Variants in C11orf58 observed in about 807,000 individuals in gnomAD.
The protein encoded by C11orf58 is small acidic protein.
Under a neutral mutation model 22.7 loss-of-function variants are expected in C11orf58, and 5 were observed. That is an observed-to-expected ratio of 0.22 (90% CI 0.12 to 0.46). C11orf58 has a LOEUF of 0.46. C11orf58 is among the 20% of genes least tolerant of loss of function. The probability of loss-of-function intolerance (pLI) is 0.99; values close to 1 mark genes in which losing one functional copy is unlikely to be tolerated. For missense variants in C11orf58, 151 were observed against 223.3 expected, an observed-to-expected ratio of 0.68 and a Z score of 2.06; for synonymous variants, 71 against 70.7, an observed-to-expected ratio of 1.00 and a Z score of -0.02.
In C11orf58 at chr11:16,756,263, A is replaced by ATTTTTT. The variant is rs779195786; in HGVS notation, c.*1178_*1183dup. 9 of 95,662 alleles carry ATTTTTT rather than the reference A, an allele frequency of 9.4e-5. No individual in the cohort carries two copies. The highest frequency in any genetic ancestry group is 1.2e-4 in the Non-Finnish European group (6 of 49,080). The allele number at this position is 95,662 out of a possible 1,614,324, so 5.9% of individuals were successfully genotyped here. ...TTAAAGGATGTATTTGGAGTGTTGG[A>ATTTTTT]TTTTTTTTTTTTTTTTTTTTTTTTG... On this transcript the variant is annotated 3_prime_UTR_variant, in exon 5 of 5. Coordinates refer to ENST00000228136, the MANE Select transcript of C11orf58 (RefSeq NM_014267.6).
At chr11:16,752,648 C>T in intron 3 of C11orf58, 137 bp from the exon 4 acceptor site, 1 of 479,892 alleles carries the variant, frequency 2.1e-6, no homozygotes, top group Non-Finnish European at 3.6e-6. Context: ...CCACCTATGG[C>T]ATAAATTCTC....
chr11:16,744,371 T>G, intron 1 of C11orf58: 1 of 467,350 alleles, frequency 2.1e-6, no homozygotes, highest in Non-Finnish European at 3.8e-6. Flanking sequence ...AGGCAAACTT[T>G]TGAGACTCAG....
chr11:16,750,706 G>T (rs1848526067), intron 3 of C11orf58: 1 of 154,212 alleles, frequency 6.5e-6, no homozygotes, highest in Non-Finnish European at 1.5e-5. Flanking sequence ...GGATGTGCAT[G>T]AGGATATATT....
chr11:16,754,125 T>C (rs1421269527), intron 4 of C11orf58: 8 of 400,094 alleles, frequency 2.0e-5, no homozygotes, highest in Non-Finnish European at 3.5e-5. Context: ...TGATCTCTTT[T>C]TATATTATGA....
intron 1 of C11orf58, among the ~76,000 whole-genome samples, chr11:16,740,070 T>C (rs950656463): frequency 1.3e-5 from 2 of 152,216 alleles, no homozygotes; most frequent in Non-Finnish European, 2.9e-5. Flanking sequence ...TTGCTCTCTG[T>C]TATTTCTGCT....
intron 3 of C11orf58, 36 bp downstream of exon 3, chr11:16,748,193 A>G: frequency 1.3e-6 from 2 of 1,514,570 alleles, no homozygotes; most frequent in Non-Finnish European, 1.8e-6. Context: ...TGGAAGTGCT[A>G]AATTCAGAAT....
chr11:16,753,438 T>C (rs1164397467), intron 4 of C11orf58, among the ~76,000 whole-genome samples: 2 of 151,676 alleles, frequency 1.3e-5, no homozygotes, highest in Non-Finnish European at 2.9e-5. Context: ...CCATCTCAGC[T>C]CACTGCAACT....
intron 3 of C11orf58, chr11:16,748,601 CT>C (rs1183228666): frequency 6.9e-6 from 1 of 144,144 alleles, no homozygotes; most frequent in Non-Finnish European, 1.5e-5. Context: ...AAAAATTAGC[CT>C]GGTGTGGTGG....
chr11:16,744,820 A>T, intron 2 of C11orf58, 136 bp downstream of exon 2: 1 of 732,840 alleles, frequency 1.4e-6, no homozygotes, highest in East Asian at 2.7e-5. Flanking sequence ...TTTGGGAAAT[A>T]CATGTGGCCT....
At chr11:16,744,295 C>T (rs752522719) in intron 1 of C11orf58, 5 of 275,962 alleles carry the variant, frequency 1.8e-5, no homozygotes, top group Non-Finnish European at 3.4e-5. Flanking sequence ...CACCCCAGAC[C>T]CGCTGAATCT....
intron 1 of C11orf58, 96 bp downstream of exon 1, chr11:16,738,937 C>T (rs940800937): frequency 4.7e-5 from 65 of 1,385,060 alleles, no homozygotes; most frequent in Non-Finnish European, 6.3e-5. Context: ...CTGAGGTGGC[C>T]TGCAGCGGGA....
chr11:16,756,902 C>CCAT lies in C11orf58; in HGVS notation c.*1800_*1802dup, dbSNP rs1848583370. The stretch of plus-strand genomic sequence containing the variant: ...CAGCCTGGGCAACAAGAGCAAAACT[C>CCAT]CATCTCAAAAAAAAAAAAAAAAAAA... On this transcript the variant is annotated 3_prime_UTR_variant, in exon 5 of 5. Coordinates refer to ENST00000228136, the MANE Select transcript of C11orf58 (RefSeq NM_014267.6). 1 of 91,246 alleles carries CCAT rather than the reference C, an allele frequency of 1.1e-5. No homozygotes were observed. Among genetic ancestry groups the CCAT allele is most frequent in the Non-Finnish European group, 2.6e-5 (1 of 38,298 alleles). The allele number at this position is 91,246 out of a possible 1,614,324, so 5.7% of individuals were successfully genotyped here. A position where few individuals can be genotyped will look rare whatever the true frequency, so the allele number is the denominator to read the frequency against.
chr11:16,755,393 T>G lies in C11orf58; in HGVS notation c.*289T>G, dbSNP rs560914682. On this transcript the variant is annotated 3_prime_UTR_variant, in exon 5 of 5. Coordinates refer to ENST00000228136, the MANE Select transcript of C11orf58 (RefSeq NM_014267.6). ...TAATTCACCTTATGGGGGAAATGCT[T>G]CTTTTTGTTTGTGATAGCTATTTTA... 4 of 219,216 alleles carry G rather than the reference T, an allele frequency of 1.8e-5. No homozygotes were observed. Among genetic ancestry groups the G allele is most frequent in the Non-Finnish European group, 3.6e-5 (4 of 110,686 alleles). The allele number at this position is 219,216 out of a possible 1,614,324, so 13.6% of individuals were successfully genotyped here.
chr11:16,740,956 CG>C (rs1848442761), intron 1 of C11orf58, among the ~76,000 whole-genome samples: 1 of 151,710 alleles, frequency 6.6e-6, no homozygotes, highest in Non-Finnish European at 1.5e-5. Context: ...ATTAACCGGG[CG>C]TGGTAGCGGG....
intron 1 of C11orf58, among the ~76,000 whole-genome samples, chr11:16,739,116 G>A (rs556809784): frequency 6.4e-4 from 98 of 152,250 alleles, no homozygotes; most frequent in African/African-American, 2.2e-3. Flanking sequence ...CTTAGTCAAG[G>A]GATTTCGTAC....
rs1322282484 is a variant in C11orf58, at chr11:16,755,391, C to T, written c.*287C>T. 4.5e-6 allele frequency: 1 copy of T among 221,484 alleles called. No individual in the cohort carries two copies. The highest frequency in any genetic ancestry group is 8.9e-6 in the Non-Finnish European group (1 of 112,186). The allele number at this position is 221,484 out of a possible 1,614,324, so 13.7% of individuals were successfully genotyped here. Reference sequence around the variant, plus strand: ...TCTAATTCACCTTATGGGGGAAATGCTTCTTTTTGTTTGTGATAGCTATTT... The same window carrying T: ...TCTAATTCACCTTATGGGGGAAATGTTTCTTTTTGTTTGTGATAGCTATTT... On this transcript the variant is annotated 3_prime_UTR_variant, in exon 5 of 5. Coordinates refer to ENST00000228136, the MANE Select transcript of C11orf58 (RefSeq NM_014267.6).
chr11:16,752,435 A>G (rs556442606), intron 3 of C11orf58: 1 of 160,074 alleles, frequency 6.2e-6, no homozygotes, highest in African/African-American at 2.4e-5. Flanking sequence ...TTTGCTGAAC[A>G]GAAGTGCCTA....
Position 16,758,010 on chromosome 11 carries a change from G to A in C11orf58, c.*2906G>A, listed in dbSNP as rs1848595094. ...AGTGACTACTTACACACAGGGCTTT[G>A]GTTCCATTACTTGTTTCCACCACAG... is the stretch of plus-strand genomic sequence containing the variant. On this transcript the variant is annotated 3_prime_UTR_variant, in exon 5 of 5. Coordinates refer to ENST00000228136, the MANE Select transcript of C11orf58 (RefSeq NM_014267.6). 6.6e-6 allele frequency among the ~76,000 whole-genome samples: 1 copy of A among 152,030 alleles called. No individual in the cohort carries two copies. The highest frequency in any genetic ancestry group is 2.4e-5 in the African/African-American group (1 of 41,348).
At chr11:16,752,732 T>G in intron 3 of C11orf58, 53 bp from the exon 4 acceptor site, 1 of 1,290,640 alleles carries the variant, frequency 7.7e-7, no homozygotes, top group Non-Finnish European at 1.1e-6. Context: ...TATGGGTTTT[T>G]GTGTAAATTA....
Sources: allele counts gnomAD v4.1 joint callset (sites outside exome capture counted in the v4.1 genomes callset), GRCh38; gene constraint gnomAD v4.1.1; transcripts MANE v1.5; gene names NCBI Gene and HGNC (gene_info 2026-07-23, HGNC 2026-07-21).